Variants in COL7A1 observed in about 807,000 individuals in gnomAD.
COL7A1 encodes collagen type VII alpha 1 chain.
A neutral mutation model predicts 456.2 loss-of-function variants in COL7A1; 296 were observed. The ratio of observed to expected loss-of-function variants is 0.65; its 90% CI spans 0.59 to 0.71. The LOEUF (loss-of-function observed/expected upper bound fraction) is 0.71, where lower values mean the gene tolerates loss of function less well. COL7A1 is among the 30% of genes least tolerant of loss of function. The probability of loss-of-function intolerance (pLI) is 0.00; values close to 1 mark genes in which losing one functional copy is unlikely to be tolerated. For missense variants in COL7A1, 3,441 were observed against 4,017.2 expected, an observed-to-expected ratio of 0.86 and a Z score of 3.88; for synonymous variants, 1,464 against 1,525.9, an observed-to-expected ratio of 0.96 and a Z score of 0.95.
chr3:48,578,761 G>A lies in COL7A1; in HGVS notation c.5424+158C>T. 1.2e-6 allele frequency: 1 copy of A among 809,180 alleles called. No homozygotes were observed. Among genetic ancestry groups the A allele is most frequent in the Non-Finnish European group, 1.9e-6 (1 of 523,680 alleles). The allele number at this position is 809,180 out of a possible 1,614,324, so 50.1% of individuals were successfully genotyped here. A position where few individuals can be genotyped will look rare whatever the true frequency, so the allele number is the denominator to read the frequency against. ...CCAAGGCAAAGAAGGTCAGAAAGGG[G>A]GATTCTACTAAAACCTGTGTGCCAG... is the stretch of plus-strand genomic sequence containing the variant. On this transcript the variant is annotated intron_variant, in intron 63 of 118. Coordinates refer to ENST00000681320, the MANE Select transcript of COL7A1 (RefSeq NM_000094.4). The surrounding 1 kb of genome is among the most constrained non-coding windows in gnomAD (Gnocchi z 4.7).
Position 48,587,564 on chromosome 3 carries a change from G to T in COL7A1, c.2858-10C>A. On this transcript the variant is annotated splice_polypyrimidine_tract_variant and intron_variant, in intron 22 of 118. Coordinates refer to ENST00000681320, the MANE Select transcript of COL7A1 (RefSeq NM_000094.4). This position sits in a 1 kb window ranked among gnomAD's most constrained non-coding sequence, Gnocchi z 6.1. ...GGAACACGAGGTGACTCTGAAGGAGGAATGAAAGATCGAGGATCAGAGGCT... is the reference window on the plus strand; with the variant it reads ...GGAACACGAGGTGACTCTGAAGGAGTAATGAAAGATCGAGGATCAGAGGCT... The T allele has an allele frequency of 6.2e-7, 1 of 1,613,484 alleles. No individual in the cohort carries two copies. Among genetic ancestry groups the T allele is most frequent in the Non-Finnish European group, 8.5e-7 (1 of 1,180,026 alleles).
chr3:48,587,373 A>C lies in COL7A1; in HGVS notation c.2993-37T>G. 6.2e-7 allele frequency: 1 copy of C among 1,612,904 alleles called. No homozygotes were observed. Among genetic ancestry groups the C allele is most frequent in the Middle Eastern group, 1.7e-4 (1 of 6,060 alleles). On this transcript the variant is annotated intron_variant, in intron 23 of 118. Coordinates refer to ENST00000681320, the MANE Select transcript of COL7A1 (RefSeq NM_000094.4). This position sits in a 1 kb window ranked among gnomAD's most constrained non-coding sequence, Gnocchi z 6.1. The stretch of plus-strand genomic sequence containing the variant: ...AGAACTTGATTAAAAAGCTGTCTCC[A>C]CAGAGCCCCAACTGCCAGCCCACCC...
In COL7A1 at chr3:48,565,861, G is replaced by A. The variant is rs2043584963; in HGVS notation, c.8408-193C>T. Among the ~76,000 whole-genome samples, 1 of 152,024 alleles carries A rather than the reference G, an allele frequency of 6.6e-6. No individual in the cohort carries two copies. Among genetic ancestry groups the A allele is most frequent in the Admixed American group, 6.6e-5 (1 of 15,256 alleles). Reference sequence around the variant, plus strand: ...GAAAAAGAGAAGAAGGCAGAGGAGAGGGAAGTTGGGAACAGGCCAACAAAA... The same window carrying A: ...GAAAAAGAGAAGAAGGCAGAGGAGAAGGAAGTTGGGAACAGGCCAACAAAA... On this transcript the variant is annotated intron_variant, in intron 114 of 118. Coordinates refer to ENST00000681320, the MANE Select transcript of COL7A1 (RefSeq NM_000094.4). The surrounding 1 kb of genome is among the most constrained non-coding windows in gnomAD (Gnocchi z 4.5).
In COL7A1 at chr3:48,570,561, C is replaced by T; in HGVS notation, c.7345-61G>A. On this transcript the variant is annotated intron_variant, in intron 96 of 118. Coordinates refer to ENST00000681320, the MANE Select transcript of COL7A1 (RefSeq NM_000094.4). The surrounding 1 kb of genome is among the most constrained non-coding windows in gnomAD (Gnocchi z 5.5). ...TCAAAGCGCCTCCCCCAACACCCCACAGTGTGGCCCGCCCCATCCTAAGTC... is the reference window on the plus strand; with the variant it reads ...TCAAAGCGCCTCCCCCAACACCCCATAGTGTGGCCCGCCCCATCCTAAGTC... The T allele has an allele frequency of 1.2e-6, 2 of 1,613,712 alleles. No individual in the cohort carries two copies. The highest frequency in any genetic ancestry group is 3.3e-4 in the Middle Eastern group (2 of 6,062).
In COL7A1 at chr3:48,564,482, G is replaced by A; in HGVS notation, c.8819-60C>T. ...TCTGACCTTCCCCGGAGACGCTCAGGCAGAGGCACCGCCAAGGGGAGGGAG... is the reference window on the plus strand; with the variant it reads ...TCTGACCTTCCCCGGAGACGCTCAGACAGAGGCACCGCCAAGGGGAGGGAG... On this transcript the variant is annotated intron_variant, in intron 118 of 118. Transcript: ENST00000681320. The surrounding 1 kb of genome is among the most constrained non-coding windows in gnomAD (Gnocchi z 6.0). The A allele has an allele frequency of 6.2e-7, 1 of 1,603,484 alleles. No individual in the cohort carries two copies. The highest frequency in any genetic ancestry group is 8.5e-7 in the Non-Finnish European group (1 of 1,172,168).
chr3:48,590,585 C>T lies in COL7A1; in HGVS notation c.1781-1G>A. ...GGAACAGCAAGTGGAGTTTCCGGCTCTAGGAGTTACAGACAGAAGTCAGAA... is the reference window on the plus strand; with the variant it reads ...GGAACAGCAAGTGGAGTTTCCGGCTTTAGGAGTTACAGACAGAAGTCAGAA... On this transcript the variant is annotated splice_acceptor_variant, in intron 14 of 118. Coordinates refer to ENST00000681320, the MANE Select transcript of COL7A1 (RefSeq NM_000094.4). LOFTEE classifies it high-confidence loss of function. The surrounding 1 kb of genome is among the most constrained non-coding windows in gnomAD (Gnocchi z 4.6). 6.2e-7 allele frequency: 1 copy of T among 1,614,100 alleles called. No individual in the cohort carries two copies. Among genetic ancestry groups the T allele is most frequent in the Non-Finnish European group, 8.5e-7 (1 of 1,180,034 alleles).
In COL7A1 at chr3:48,587,525, G is replaced by C. The variant is rs773083989; in HGVS notation, c.2887C>G (p.Arg963Gly). The C allele has an allele frequency of 1.2e-6, 2 of 1,613,548 alleles. No homozygotes were observed. Among genetic ancestry groups the C allele is most frequent in the Non-Finnish European group, 1.7e-6 (2 of 1,180,028 alleles). Residue 963 changes from arginine (R) to glycine (G), a missense_variant, in exon 23 of 119, where the codon CGT (arginine) becomes GGT (glycine). Arg to Gly is a moderately radical substitution (Grantham distance 125, BLOSUM62 -2). Coordinates refer to ENST00000681320, the MANE Select transcript of COL7A1 (RefSeq NM_000094.4). The surrounding 1 kb of genome is among the most constrained non-coding windows in gnomAD (Gnocchi z 6.1). ...ESPRVPSIEL[R>G]VVDTSIDSVT... ...GAGTCGATCGAGGTGTCCACCACAC[G>C]TAGTTCAATGCTTGGAACACGAGGT...
chr3:48,569,612 G>C lies in COL7A1; in HGVS notation c.7594C>G (p.Arg2532Gly). ...CTCACCATGTCCCCCTTGGCACCCCGTGGGCCTGGAGGCCCCAGGATCACA... is the reference window on the plus strand; with the variant it reads ...CTCACCATGTCCCCCTTGGCACCCCCTGGGCCTGGAGGCCCCAGGATCACA... The part of the protein sequence containing the change: ...SAVILGPPGP[R>G]GAKGDMGERG... Residue 2532 changes from arginine to glycine, a missense_variant, in exon 102 of 119, where the codon CGG becomes GGG. Transcript: ENST00000681320. The surrounding 1 kb of genome is among the most constrained non-coding windows in gnomAD (Gnocchi z 4.9). The C allele has an allele frequency of 6.2e-7, 1 of 1,613,768 alleles. No individual in the cohort carries two copies. The highest frequency in any genetic ancestry group is 8.5e-7 in the Non-Finnish European group (1 of 1,179,846).
chr3:48,577,313 C>T (rs1219858750), intron 65 of COL7A1, among the ~76,000 whole-genome samples: 1 of 152,232 alleles, frequency 6.6e-6, no homozygotes, highest in Non-Finnish European at 1.5e-5. Flanking sequence ...TGATCGTCCA[C>T]ATGTCCTGGG....
In COL7A1 at chr3:48,579,499, C is replaced by T. The variant is rs781523301; in HGVS notation, c.5252G>A (p.Arg1751Gln). 1.2e-5 allele frequency: 20 copies of T among 1,613,896 alleles called. No individual in the cohort carries two copies. Among genetic ancestry groups the T allele is most frequent in the Non-Finnish European group, 1.3e-5 (15 of 1,180,006 alleles). The change falls in exon 60 of 119, where the codon CGG (arginine) becomes CAG (glutamine). Residue 1751 changes from arginine (R) to glutamine (Q), a missense_variant. This residue lies in a region of COL7A1 where 2,084 missense variants were observed against 2,501.3 expected (regional missense o/e 0.83). Transcript: ENST00000681320. This position sits in a 1 kb window ranked among gnomAD's most constrained non-coding sequence, Gnocchi z 4.4. ...APGERGIEGF[R>Q]GPPGPQGDPG... ...ACTCACCTGTGGGCCTGGGGGTCCC[C>T]GAAACCCTTCAATGCCCTGAGGATA...
chr3:48,565,121 A>G lies in COL7A1; in HGVS notation c.8608T>C (p.Trp2870Arg). 1 of 1,613,928 alleles carries G rather than the reference A, an allele frequency of 6.2e-7. No individual in the cohort carries two copies. Among genetic ancestry groups the G allele is most frequent in the Non-Finnish European group, 8.5e-7 (1 of 1,179,878 alleles). The change falls in exon 117 of 119, where the codon TGG becomes CGG. Residue 2870 changes from tryptophan to arginine, a missense_variant. Transcript: ENST00000681320. The surrounding 1 kb of genome is among the most constrained non-coding windows in gnomAD (Gnocchi z 4.5). ...VEEYQDPEAPWDSDDPCSLPL... is the reference protein window; with the variant it reads ...VEEYQDPEAPRDSDDPCSLPL... Reference sequence around the variant, plus strand: ...CCCCCATTCTCACCATCACTATCCCAAGGAGCTTCAGGGTCCTGGTACTCC... The same window carrying G: ...CCCCCATTCTCACCATCACTATCCCGAGGAGCTTCAGGGTCCTGGTACTCC...
Position 48,590,632 on chromosome 3 carries a change from A to G in COL7A1, c.1780+41T>C. 1.2e-6 allele frequency: 2 copies of G among 1,614,032 alleles called. No homozygotes were observed. ...AGAAGTCAGAACCAGGACCAGAGTG[A>G]GGCAGGCAGCTGTCCTCCACAAGCC... On this transcript the variant is annotated intron_variant, in intron 14 of 118. Transcript: ENST00000681320. The surrounding 1 kb of genome is among the most constrained non-coding windows in gnomAD (Gnocchi z 4.6).
rs201807476 is a variant in COL7A1, at chr3:48,567,790, C to G, written c.7930-27G>C. ...TGCAGGCATCAGGCAGTGGGGTGAG[C>G]CTTAGGCCCCAGGCCACGTAGCCCC... On this transcript the variant is annotated intron_variant, in intron 107 of 118. Coordinates refer to ENST00000681320, the MANE Select transcript of COL7A1 (RefSeq NM_000094.4). This position sits in a 1 kb window ranked among gnomAD's most constrained non-coding sequence, Gnocchi z 4.3. 5.0e-6 allele frequency: 8 copies of G among 1,614,028 alleles called. 1 individual carries two copies. The Admixed American group carries it at 5.0e-5, about 10-fold the overall frequency.
At position 48,580,265 on chromosome 3, in the gene COL7A1, AT is replaced by A. The variant is rs1420168115; in HGVS notation, c.5097+34del. The stretch of plus-strand genomic sequence containing the variant: ...TGGCAGCAGCGCCAGGGGACCCTCC[AT>A]CCCTTCTGAGCCCAGGACACCAGCC... On this transcript the variant is annotated intron_variant, in intron 56 of 118. Transcript: ENST00000681320. This position sits in a 1 kb window ranked among gnomAD's most constrained non-coding sequence, Gnocchi z 4.5. 6.2e-7 allele frequency: 1 copy of A among 1,605,680 alleles called. No homozygotes were observed. The highest frequency in any genetic ancestry group is 1.1e-5 in the South Asian group (1 of 89,808).
chr3:48,587,411 C>T lies in COL7A1; in HGVS notation c.2992+9G>A. The T allele has an allele frequency of 1.9e-6, 3 of 1,613,222 alleles. No homozygotes were observed. The highest frequency in any genetic ancestry group is 2.5e-6 in the Non-Finnish European group (3 of 1,180,004). On this transcript the variant is annotated intron_variant, in intron 23 of 118. Transcript: ENST00000681320. The surrounding 1 kb of genome is among the most constrained non-coding windows in gnomAD (Gnocchi z 6.1). ...TGCCAGCCCACCCAAATCCTGGCCT[C>T]CCCCTCACCCTGGCCAGGGCCTCTG...
chr3:48,592,160 G>T lies in COL7A1; in HGVS notation c.1182C>A (p.Thr394=). ...CACTGCGGCCAAATAGGGTGCTCAC[G>T]GTCACCTCATAGTCCGTGCCAGGCT... The part of the protein sequence containing the change: ...DLEPGTDYEV[T]VSTLFGRSVG... The change falls in exon 10 of 119, where the codon ACC becomes ACA. Residue 394 remains threonine (T), a synonymous_variant. Coordinates refer to ENST00000681320, the MANE Select transcript of COL7A1 (RefSeq NM_000094.4). The surrounding 1 kb of genome is among the most constrained non-coding windows in gnomAD (Gnocchi z 7.6). The T allele has an allele frequency of 3.1e-6, 5 of 1,614,078 alleles. No individual in the cohort carries two copies. Among genetic ancestry groups the T allele is most frequent in the Non-Finnish European group, 4.2e-6 (5 of 1,180,022 alleles).
chr3:48,594,980 G>C lies in COL7A1; in HGVS notation c.85+95C>G, dbSNP rs2045975877. 2 of 1,015,336 alleles carry C rather than the reference G, an allele frequency of 2.0e-6. No individual in the cohort carries two copies. Among genetic ancestry groups the C allele is most frequent in the Non-Finnish European group, 2.9e-6 (2 of 679,024 alleles). 62.9% of individuals were successfully genotyped at this position (1,015,336 alleles called of 1,614,324 possible). A position where few individuals can be genotyped will look rare whatever the true frequency, so the allele number is the denominator to read the frequency against. ...CCGCGGGGCGTCGTGGAGTTGGCTG[G>C]GTTGTGGGCGGGGGGTGTTGGGGAT... On this transcript the variant is annotated intron_variant, in intron 2 of 118. Coordinates refer to ENST00000681320, the MANE Select transcript of COL7A1 (RefSeq NM_000094.4). The surrounding 1 kb of genome is among the most constrained non-coding windows in gnomAD (Gnocchi z 5.5).
Position 48,590,372 on chromosome 3 carries a change from A to C in COL7A1, c.1907-16T>G. The C allele has an allele frequency of 6.2e-7, 1 of 1,613,972 alleles. No homozygotes were observed. Among genetic ancestry groups the C allele is most frequent in the Non-Finnish European group, 8.5e-7 (1 of 1,179,962 alleles). On this transcript the variant is annotated splice_polypyrimidine_tract_variant and intron_variant, in intron 15 of 118. Coordinates refer to ENST00000681320, the MANE Select transcript of COL7A1 (RefSeq NM_000094.4). The surrounding 1 kb of genome is among the most constrained non-coding windows in gnomAD (Gnocchi z 4.6). ...GACTCCGGACCTGAGGTCAGAGGGA[A>C]ATGCTGGCATGGCTCCTGCCTGTCC...
At chr3:48,584,095 CCACACCT>C in intron 37 of COL7A1, 34 bp from the exon 38 acceptor site, 1 of 1,614,166 alleles carries the variant, frequency 6.2e-7, no homozygotes. Flanking sequence ...TGACCCTGGG[CCACACCT>C]CACTCCCAAA....
Sources: allele counts gnomAD v4.1 joint callset (sites outside exome capture counted in the v4.1 genomes callset), GRCh38; gene constraint gnomAD v4.1.1; regional missense constraint gnomAD v4.1.1; non-coding constraint Gnocchi (gnomAD v3.1); transcripts MANE v1.5; gene names NCBI Gene and HGNC (gene_info 2026-07-23, HGNC 2026-07-21).